The following AGRN variants were observed in gnomAD, a reference collection of about 807,000 sequenced individuals.
The protein encoded by AGRN is agrin.
Under a neutral mutation model 211.0 loss-of-function variants are expected in AGRN, and 106 were observed. That is an observed-to-expected ratio of 0.50 (90% CI 0.43 to 0.59). AGRN has a LOEUF of 0.59. Among genes scored for constraint, AGRN ranks in the 20% least tolerant of loss-of-function variants. AGRN has a pLI of 0.00. For synonymous variants in AGRN, 1,525 were observed against 1,332.5 expected (o/e 1.14, Z -3.15); for missense variants, 3,040 against 2,982.6 (o/e 1.02, Z -0.45).
rs185365466 is a variant in AGRN at position 1,025,986 on chromosome 1, G to T, written c.463+3524G>T. Reference sequence around the variant, plus strand: ...CTGGGCTTGCCCCTGCCTTGGCCTGGGGGGGGGCTTTGCTGGCTGAAACCA... The same window carrying T: ...CTGGGCTTGCCCCTGCCTTGGCCTGTGGGGGGGCTTTGCTGGCTGAAACCA... On this transcript the variant is annotated intron_variant, in intron 2 of 35. Transcript: ENST00000379370. 2.2e-3 allele frequency among the ~76,000 whole-genome samples: 328 copies of T among 151,266 alleles called. 6 individuals carry two copies. In the East Asian group the frequency reaches 0.05, roughly 23 times the overall value.
At chr1:1,040,606 C>T in intron 3 of AGRN, 59 bp from the exon 4 acceptor site, 13 of 1,534,438 alleles carry the variant, frequency 8.5e-6, no homozygotes, top group Non-Finnish European at 1.1e-5. Flanking sequence ...GTCTCTCAGG[C>T]TTGTGGACGT....
chr1:1,024,852 C>G (rs997048109), intron 2 of AGRN, among the ~76,000 whole-genome samples: 27 of 152,334 alleles, frequency 1.8e-4, no homozygotes, highest in Admixed American at 1.6e-3. Context: ...CCTCCCTCTG[C>G]GCCACCTTTG....
rs1346609410 is a variant in AGRN at position 1,046,042 on chromosome 1, A to G, written c.2759A>G (p.His920Arg). The change falls in exon 16 of 36, where the codon CAC becomes CGC. Residue 920 changes from histidine to arginine, a missense_variant. Physicochemically the swap from His to Arg is conservative, Grantham distance 29 (BLOSUM62 0). This residue lies in a region of AGRN where 1,498 missense variants were observed against 1,457.8 expected (regional missense o/e 1.03). Coordinates refer to ENST00000379370, the MANE Select transcript of AGRN (RefSeq NM_198576.4). ...TGCGTGGAGGAGTCTGGCTCAGCCC[A>G]CTGTGTCTGCCCGATGCTCACCTGT... Reference protein sequence around the residue: ...ARCVEESGSAHCVCPMLTCPE... With the variant: ...ARCVEESGSARCVCPMLTCPE... 2 of 1,614,016 alleles carry G rather than the reference A, an allele frequency of 1.2e-6. No individual in the cohort carries two copies. Among genetic ancestry groups the G allele is most frequent in the African/African-American group, 2.7e-5 (2 of 75,050 alleles).
chr1:1,027,467 CGT>C (rs1557685923), intron 2 of AGRN, among the ~76,000 whole-genome samples: 1 of 152,190 alleles, frequency 6.6e-6, no homozygotes, highest in Non-Finnish European at 1.5e-5. Context: ...TCCTCGTGCA[CGT>C]GTCTCGCCTC....
rs4275402 is a variant in AGRN, at chr1:1,054,900, C to T, written c.6057C>T (p.Asp2019=). The T allele has an allele frequency of 0.68, 1,056,982 of 1,549,936 alleles. 367,096 individuals are homozygous for T. The highest frequency in any genetic ancestry group is 0.83 in the East Asian group (34,029 of 41,110). ...YGTGFVGCLR[D]VVVGRHPLHL... is the part of the protein sequence containing the mutation. ...CAGGCTTTGTGGGCTGCTTGCGGGA[C>T]GTGGTGGTGGGCCGGCACCCGCTGC... Residue 2019 remains aspartate, a synonymous_variant, in exon 36 of 36, where the codon GAC becomes GAT. Transcript: ENST00000379370.
chr1:1,035,648 CA>C (rs1189375098), intron 3 of AGRN, among the ~76,000 whole-genome samples: 17 of 152,334 alleles, frequency 1.1e-4, no homozygotes, highest in African/African-American at 3.8e-4. Flanking sequence ...AGAGTCCGGT[CA>C]GGGGGCTCCG....
intron 3 of AGRN, among the ~76,000 whole-genome samples, chr1:1,037,149 C>T (rs1027230603): frequency 6.6e-6 from 1 of 152,184 alleles, no homozygotes; most frequent in African/African-American, 2.4e-5. Context: ...CAGGTCTATG[C>T]TGGTGGCTGG....
intron 1 of AGRN, 112 bp downstream of exon 1, chr1:1,020,485 C>T (rs1407879808): frequency 7.4e-6 from 8 of 1,075,668 alleles, no homozygotes; most frequent in African/African-American, 1.7e-5. Flanking sequence ...CGCTCCGGCT[C>T]CCTTGGCGAC....
rs1264457871 is a variant in AGRN at position 1,050,780 on chromosome 1, C to T, written c.5196C>T (p.Asn1732=). Residue 1732 remains asparagine (N), a synonymous_variant, in exon 30 of 36, where the codon AAC becomes AAT. Transcript: ENST00000379370. ...GAWTRVSLER[N]GRKGALRVGD... ...GGACCAGGGTCTCACTGGAGCGAAA[C>T]GGCCGCAAGGGTGCCCTGCGTGTGG... is the stretch of plus-strand genomic sequence containing the variant. The T allele has an allele frequency of 6.2e-6, 10 of 1,602,362 alleles. No individual in the cohort carries two copies. Among genetic ancestry groups the T allele is most frequent in the Admixed American group, 1.7e-5 (1 of 59,244 alleles).
At chr1:1,034,962 TGGG>T in intron 2 of AGRN, 2 of 481,548 alleles carry the variant, frequency 4.2e-6, no homozygotes, top group Non-Finnish European at 7.5e-6. Context: ...AGCCGGCAGT[TGGG>T]GGTAGGGCAG....
chr1:1,043,584 C>T lies in AGRN; in HGVS notation c.1650C>T (p.Thr550=), dbSNP rs201719609. 15 of 1,604,982 alleles carry T rather than the reference C, an allele frequency of 9.3e-6. No individual in the cohort carries two copies. Among genetic ancestry groups the T allele is most frequent in the African/African-American group, 5.3e-5 (4 of 74,900 alleles). The change falls in exon 9 of 36, where the codon ACC becomes ACT. Residue 550 remains threonine, a synonymous_variant. Coordinates refer to ENST00000379370, the MANE Select transcript of AGRN (RefSeq NM_198576.4). ...CRFGALCEAE[T]GRCVCPSECV... ...TTGGAGCCCTGTGCGAGGCCGAGACCGGGCGCTGCGTGTGCCCCTCTGAAT... is the reference window on the plus strand; with the variant it reads ...TTGGAGCCCTGTGCGAGGCCGAGACTGGGCGCTGCGTGTGCCCCTCTGAAT...
At chr1:1,036,713 C>T (rs1644812511) in intron 3 of AGRN, among the ~76,000 whole-genome samples, 1 of 152,128 alleles carries the variant, frequency 6.6e-6, no homozygotes, top group South Asian at 2.1e-4. Context: ...CCAACACCCG[C>T]CCCCCAACCC....
Position 1,039,325 on chromosome 1 carries a change from C to T in AGRN, c.512-1340C>T, listed in dbSNP as rs181992824. On this transcript the variant is annotated intron_variant, in intron 3 of 35. Coordinates refer to ENST00000379370, the MANE Select transcript of AGRN (RefSeq NM_198576.4). Reference sequence around the variant, plus strand: ...CTTCTGGGGTGGGGGCAGGGACACCCAGACAGACAGCGCCAGAGCCTGGGG... The same window carrying T: ...CTTCTGGGGTGGGGGCAGGGACACCTAGACAGACAGCGCCAGAGCCTGGGG... Among the ~76,000 whole-genome samples, 41 of 151,346 alleles carry T rather than the reference C, an allele frequency of 2.7e-4. No homozygotes were observed. In the East Asian group the frequency reaches 4.7e-3, roughly 17 times the overall value.
chr1:1,053,613 T>C, intron 33 of AGRN, 140 bp from the exon 34 acceptor site: 1 of 1,494,390 alleles, frequency 6.7e-7, no homozygotes, highest in African/African-American at 1.4e-5. Flanking sequence ...CCTCCCACTG[T>C]CGGTGTCTGC....
At position 1,051,643 on chromosome 1, in the gene AGRN, A is replaced by C. The variant is rs778405918; in HGVS notation, c.5561A>C (p.Lys1854Thr). Residue 1854 changes from lysine to threonine, a missense_variant and splice_region_variant, in exon 32 of 36, where the codon AAG becomes ACG. This residue lies in a region of AGRN where 1,537 missense variants were observed against 1,505.0 expected (regional missense o/e 1.02). Transcript: ENST00000379370. ...PGGFSGPHCEKGLVEKSAGDV... is the reference protein window; with the variant it reads ...PGGFSGPHCETGLVEKSAGDV... ...GGATTCTCAGGACCGCACTGCGAGAAGGGTGAGCCTGGCACAGGGCAGGGG... is the reference window on the plus strand; with the variant it reads ...GGATTCTCAGGACCGCACTGCGAGACGGGTGAGCCTGGCACAGGGCAGGGG... 6 of 1,612,172 alleles carry C rather than the reference A, an allele frequency of 3.7e-6. No individual in the cohort carries two copies. In the South Asian group the frequency reaches 6.6e-5, roughly 18 times the overall value.
chr1:1,037,669 C>T (rs1041324216), intron 3 of AGRN, among the ~76,000 whole-genome samples: 2 of 152,238 alleles, frequency 1.3e-5, no homozygotes, highest in South Asian at 4.1e-4. Flanking sequence ...AATGACCCAT[C>T]GGGAACACAG....
Position 1,047,324 on chromosome 1 carries a change from C to T in AGRN, c.3389-3C>T, listed in dbSNP as rs1350989602. The stretch of plus-strand genomic sequence containing the variant: ...GCAGGGCCTCACTGTACCTCCCCCA[C>T]AGCCACCAAGGTGTTCCAGGGCGTC... On this transcript the variant is annotated splice_polypyrimidine_tract_variant and splice_region_variant and intron_variant, in intron 19 of 35. Transcript: ENST00000379370. The T allele has an allele frequency of 3.1e-6, 5 of 1,598,330 alleles. No individual in the cohort carries two copies. In the African/African-American group the frequency reaches 4.0e-5, roughly 13 times the overall value.
At chr1:1,022,157 C>G in intron 1 of AGRN, 44 bp from the exon 2 acceptor site, 1 of 1,612,154 alleles carries the variant, frequency 6.2e-7, no homozygotes, top group Non-Finnish European at 8.5e-7. Flanking sequence ...CTAGCCCCTT[C>G]CCCAGGAGAG....
At position 1,020,140 on chromosome 1, in the gene AGRN, C is replaced by A; in HGVS notation, c.-33C>A. On this transcript the variant is annotated 5_prime_UTR_variant, in exon 1 of 36. Transcript: ENST00000379370. ...TGTCCAGTCCCGTCCCCGGCGCGGC[C>A]CGCGCGCTCCTCCGCCGCCTCTCGC... The A allele has an allele frequency of 1.7e-6, 2 of 1,194,492 alleles. No homozygotes were observed. Among genetic ancestry groups the A allele is most frequent in the Non-Finnish European group, 1.1e-6 (1 of 933,450 alleles). 74.0% of individuals were successfully genotyped at this position (1,194,492 alleles called of 1,614,324 possible). A position where few individuals can be genotyped will look rare whatever the true frequency, so the allele number is the denominator to read the frequency against.
Sources: allele counts gnomAD v4.1 joint callset (sites outside exome capture counted in the v4.1 genomes callset), GRCh38; gene constraint gnomAD v4.1.1; regional missense constraint gnomAD v4.1.1; transcripts MANE v1.5; gene names NCBI Gene and HGNC (gene_info 2026-07-23, HGNC 2026-07-21).